KREMEN1: variants seen among roughly 807,000 people sequenced by gnomAD.
KREMEN1 encodes the protein kringle containing transmembrane protein 1.
A neutral mutation model predicts 46.5 loss-of-function variants in KREMEN1; 30 were observed. The ratio of observed to expected loss-of-function variants is 0.65; its 90% CI spans 0.48 to 0.88. The LOEUF is 0.88. Among genes scored for constraint, KREMEN1 ranks in the 40% least tolerant of loss-of-function variants. KREMEN1 has a pLI of 0.00. For missense variants in KREMEN1, 533 were observed against 596.9 expected (o/e 0.89, Z 1.11); for synonymous variants, 214 against 230.6 (o/e 0.93, Z 0.65).
Position 29,073,066 on chromosome 22 carries a change from C to A in KREMEN1, c.-65C>A, listed in dbSNP as rs1296003178. ...GCCCCGCGTCCTGCTCCCATGGCCG[C>A]CCCCGGCTCCCCGCGCTGCCCCCTT... On this transcript the variant is annotated 5_prime_UTR_variant, in exon 1 of 9. Coordinates refer to ENST00000400335, the MANE Select transcript of KREMEN1 (RefSeq NM_001039570.3). This position sits in a 1 kb window ranked among gnomAD's most constrained non-coding sequence, Gnocchi z 4.4. The A allele has an allele frequency of 1.0e-5, 4 of 390,578 alleles. No individual in the cohort carries two copies. Among genetic ancestry groups the A allele is most frequent in the Non-Finnish European group, 1.4e-5 (4 of 287,250 alleles). 24.2% of individuals were successfully genotyped at this position (390,578 alleles called of 1,614,324 possible).
At chr22:29,156,615 AC>A (rs1391817514) in intron 9 of KREMEN1, among the ~76,000 whole-genome samples, 1 of 152,216 alleles carries the variant, frequency 6.6e-6, no homozygotes, top group African/African-American at 2.4e-5. Context: ...TAAATGAGGT[AC>A]TAGGAACCCA....
rs191847644 is a variant in KREMEN1 at position 29,087,284 on chromosome 22, C to T, written c.98-6974C>T. Among the ~76,000 whole-genome samples the T allele has an allele frequency of 1.5e-4, 23 of 152,028 alleles. No homozygotes were observed. The East Asian group carries it at 4.4e-3, about 29-fold the overall frequency. ...TTCCAACATAAGATCAGTAGAAGTG[C>T]TAAGCGGTCCCACAGAGAACAGAGA... On this transcript the variant is annotated intron_variant, in intron 1 of 8. Transcript: ENST00000400335.
At position 29,136,344 on chromosome 22, in the gene KREMEN1, CG is replaced by C. The variant is rs2038656780; in HGVS notation, c.632-995del. Among the ~76,000 whole-genome samples, 4 of 151,754 alleles carry C rather than the reference CG, an allele frequency of 2.6e-5. No homozygotes were observed. The South Asian group carries it at 8.3e-4, about 32-fold the overall frequency. On this transcript the variant is annotated intron_variant, in intron 5 of 8. Coordinates refer to ENST00000400335, the MANE Select transcript of KREMEN1 (RefSeq NM_001039570.3). ...ATCCCAGCACTTTGGGAGGCCGGGA[CG>C]GGTGGATCACGAGGTCAGGAGATCG...
intron 3 of KREMEN1, 26 bp downstream of exon 3, chr22:29,098,979 G>T: frequency 4.5e-6 from 7 of 1,540,196 alleles, no homozygotes; most frequent in African/African-American, 1.4e-5. Flanking sequence ...CCAATGTGAT[G>T]GTTTACAGGA....
At chr22:29,078,981 C>G (rs1252904391) in intron 1 of KREMEN1, among the ~76,000 whole-genome samples, 2 of 152,204 alleles carry the variant, frequency 1.3e-5, no homozygotes, top group Non-Finnish European at 1.5e-5. Flanking sequence ...AAGTATTAGT[C>G]TAGGAGGAGC....
chr22:29,076,720 C>T (rs1483652948), intron 1 of KREMEN1, among the ~76,000 whole-genome samples: 1 of 152,076 alleles, frequency 6.6e-6, no homozygotes, highest in Non-Finnish European at 1.5e-5. Flanking sequence ...GGCATGGTGG[C>T]ACGTGCCTGT....
At chr22:29,126,135 A>G (rs1288672225) in intron 5 of KREMEN1, among the ~76,000 whole-genome samples, 1 of 148,520 alleles carries the variant, frequency 6.7e-6, no homozygotes, top group Non-Finnish European at 1.5e-5. Flanking sequence ...AAAAGGCTCG[A>G]GATTACCAAG....
chr22:29,131,712 A>G (rs565044218), intron 5 of KREMEN1, among the ~76,000 whole-genome samples: 2,385 of 136,202 alleles, frequency 0.018, 141 homozygotes, highest in African/African-American at 0.068. Flanking sequence ...ATATATATGT[A>G]TATATGTATA....
At chr22:29,131,736 GTGTATATATATGTATATATGTA>G (rs1347183717) in intron 5 of KREMEN1, among the ~76,000 whole-genome samples, 1 of 134,934 alleles carries the variant, frequency 7.4e-6, no homozygotes, top group Non-Finnish European at 1.5e-5. Context: ...ATGTATATAT[GTGTATATATATGTATATATGTA>G]TATATATATG....
intron 9 of KREMEN1, among the ~76,000 whole-genome samples, chr22:29,153,241 C>T (rs1016052579): frequency 1.3e-5 from 2 of 152,176 alleles, no homozygotes; most frequent in Admixed American, 6.5e-5. Context: ...ATTTTATCAG[C>T]GGGGTCTTTG....
chr22:29,131,842 G>T (rs2038565059), intron 5 of KREMEN1, among the ~76,000 whole-genome samples: 1 of 138,144 alleles, frequency 7.2e-6, no homozygotes, highest in Admixed American at 7.5e-5. Flanking sequence ...ATTTGTCTCT[G>T]GCTTCTTTCA....
chr22:29,134,892 C>T (rs1465215682), intron 5 of KREMEN1, among the ~76,000 whole-genome samples: 1 of 152,002 alleles, frequency 6.6e-6, no homozygotes, highest in Non-Finnish European at 1.5e-5. Flanking sequence ...GGGGCTCCTT[C>T]TCCACCCTCT....
At chr22:29,090,969 G>T (rs993475497) in intron 1 of KREMEN1, among the ~76,000 whole-genome samples, 1 of 119,996 alleles carries the variant, frequency 8.3e-6, no homozygotes, top group African/African-American at 3.2e-5. Context: ...TCATGTGTGT[G>T]CATTTTATTT....
At chr22:29,114,875 G>A (rs1015904049) in intron 3 of KREMEN1, among the ~76,000 whole-genome samples, 5 of 152,190 alleles carry the variant, frequency 3.3e-5, no homozygotes, top group African/African-American at 1.2e-4. Flanking sequence ...AAGATCTAAT[G>A]CATGTTAGAA....
intron 4 of KREMEN1, among the ~76,000 whole-genome samples, chr22:29,122,983 C>T (rs1454260610): frequency 7.7e-6 from 1 of 129,212 alleles, no homozygotes; most frequent in East Asian, 2.4e-4. Flanking sequence ...CTGTTATATA[C>T]AACGTGGATG....
In KREMEN1 at chr22:29,144,986, G is replaced by A; in HGVS notation, c.*2874G>A. 1 of 985,524 alleles carries A rather than the reference G, an allele frequency of 1.0e-6. No homozygotes were observed. Among genetic ancestry groups the A allele is most frequent in the Non-Finnish European group, 1.2e-6 (1 of 830,008 alleles). 61.0% of individuals were successfully genotyped at this position (985,524 alleles called of 1,614,324 possible). A position where few individuals can be genotyped will look rare whatever the true frequency, so the allele number is the denominator to read the frequency against. On this transcript the variant is annotated 3_prime_UTR_variant, in exon 9 of 9. Transcript: ENST00000400335. ...ACTTACGATCCGTGGAGCAGCCCCG[G>A]GAAACCCAAATCTGGCTCAGGACAG...
intron 9 of KREMEN1, among the ~76,000 whole-genome samples, chr22:29,160,993 GA>G (rs1322761476): frequency 2.4e-5 from 1 of 42,480 alleles, no homozygotes. Flanking sequence ...GATTAACAAA[GA>G]AAGAGAGATC....
chr22:29,106,723 G>T (rs1368225687), intron 3 of KREMEN1, among the ~76,000 whole-genome samples: 1 of 152,078 alleles, frequency 6.6e-6, no homozygotes, highest in Admixed American at 6.5e-5. Context: ...GAAAACAGGG[G>T]CTCTGGGATG....
At chr22:29,086,869 C>T (rs2037737101) in intron 1 of KREMEN1, among the ~76,000 whole-genome samples, 1 of 152,060 alleles carries the variant, frequency 6.6e-6, no homozygotes, top group South Asian at 2.1e-4. Flanking sequence ...ACCTCAGCCT[C>T]CCAAATAACT....
Sources: gnomAD v4.1 joint callset for allele counts (sites outside exome capture counted in the v4.1 genomes callset) on GRCh38, gnomAD v4.1.1 for gene constraint, Gnocchi (gnomAD v3.1) non-coding constraint, MANE v1.5 for transcripts, NCBI Gene and HGNC (gene_info 2026-07-23, HGNC 2026-07-21) for gene names.